Variants in LUC7L observed in about 807,000 individuals in gnomAD.
LUC7L encodes LUC7 like.
A neutral mutation model predicts 51.1 loss-of-function variants in LUC7L; 29 were observed. The observed-to-expected ratio is 0.57, with a 90% CI of 0.42 to 0.77. The LOEUF (loss-of-function observed/expected upper bound fraction) is 0.77. Ranked by LOEUF, LUC7L falls within the 30% of genes least tolerant of loss-of-function variation. The probability of loss-of-function intolerance (pLI) is 0.00; values close to 1 mark genes in which losing one functional copy is unlikely to be tolerated. For synonymous variants in LUC7L, 181 were observed against 180.7 expected (o/e 1.00, Z -0.01); for missense variants, 403 against 511.9 (o/e 0.79, Z 2.05).
intron 5 of LUC7L, 45 bp downstream of exon 5, chr16:205,959 A>T: frequency 1.3e-6 from 2 of 1,578,892 alleles, no homozygotes; most frequent in Non-Finnish European, 8.6e-7. Context: ...CAACGCTGCC[A>T]AATTACTAAG....
intron 4 of LUC7L, among the ~76,000 whole-genome samples, chr16:207,401 T>C (rs1185116760): frequency 1.3e-5 from 2 of 152,074 alleles, no homozygotes; most frequent in African/African-American, 2.4e-5. Context: ...TATGTATTTT[T>C]TGTAGAGATG....
intron 5 of LUC7L, among the ~76,000 whole-genome samples, chr16:203,003 T>G (rs2049376470): frequency 1.3e-5 from 2 of 151,964 alleles, no homozygotes. Flanking sequence ...ATACAAAAAT[T>G]AGCTGGGCAT....
At chr16:206,178 A>G (rs773939762) in intron 4 of LUC7L, 31 bp from the exon 5 acceptor site, 1 of 1,598,350 alleles carries the variant, frequency 6.3e-7, no homozygotes, top group Admixed American at 1.8e-5. Flanking sequence ...GTAAGCAGAC[A>G]TCTGAAAATG....
At chr16:208,263 G>A in intron 3 of LUC7L, 75 bp from the exon 4 acceptor site, 1 of 1,057,842 alleles carries the variant, frequency 9.5e-7, no homozygotes, top group Non-Finnish European at 1.4e-6. Context: ...TTGCTTGATA[G>A]GAAATACACT....
intron 6 of LUC7L, 113 bp from the exon 7 acceptor site, chr16:193,128 G>A: frequency 1.2e-6 from 1 of 856,302 alleles, no homozygotes; most frequent in Non-Finnish European, 1.9e-6. Context: ...AAAAATTGAA[G>A]GGACACTTTT....
At chr16:219,971 C>T (rs961990536) in intron 3 of LUC7L, among the ~76,000 whole-genome samples, 3 of 152,096 alleles carry the variant, frequency 2.0e-5, no homozygotes, top group African/African-American at 4.8e-5. Context: ...TTTACAACCA[C>T]TAAACTGCAA....
intron 4 of LUC7L, among the ~76,000 whole-genome samples, chr16:207,730 C>A (rs1039264832): frequency 6.6e-6 from 1 of 152,154 alleles, no homozygotes; most frequent in Non-Finnish European, 1.5e-5. Context: ...ATTGACAACG[C>A]CGGGCGCGGT....
At chr16:227,966 G>C in intron 1 of LUC7L, 2 of 1,032,098 alleles carry the variant, frequency 1.9e-6, no homozygotes, top group South Asian at 3.4e-5. Flanking sequence ...TACACACTGT[G>C]AGCTCCAACA....
chr16:220,568 C>CT (rs2049936450), intron 3 of LUC7L, 81 bp downstream of exon 3: 1 of 1,055,894 alleles, frequency 9.5e-7, no homozygotes, highest in Admixed American at 1.9e-5. Flanking sequence ...TGCTTCATAA[C>CT]TTACGTATGT....
chr16:192,891 C>A (rs1321708354), intron 7 of LUC7L, 36 bp downstream of exon 7: 1 of 1,562,554 alleles, frequency 6.4e-7, no homozygotes, highest in Non-Finnish European at 8.8e-7. Context: ...TGCCCGAGGC[C>A]AATGCAGGCC....
intron 3 of LUC7L, among the ~76,000 whole-genome samples, chr16:219,643 C>T (rs897417407): frequency 2.0e-5 from 3 of 151,808 alleles, no homozygotes; most frequent in Non-Finnish European, 4.4e-5. Flanking sequence ...GAGGCTGAGG[C>T]GGGCGGATCA....
At chr16:218,026 C>A (rs1195651703) in intron 3 of LUC7L, among the ~76,000 whole-genome samples, 71 of 130,312 alleles carry the variant, frequency 5.4e-4, no homozygotes, top group African/African-American at 1.8e-3. Context: ...ACTATATCTC[C>A]AAAAAAAAAA....
chr16:228,874 G>C, intron 1 of LUC7L: 2 of 1,310,712 alleles, frequency 1.5e-6, no homozygotes, highest in Non-Finnish European at 2.0e-6. Context: ...CGGCTCCCTC[G>C]GGTGTAGCTT....
chr16:208,242 T>TTAGAACCCATTTGC, intron 3 of LUC7L, 54 bp from the exon 4 acceptor site: 1 of 1,303,370 alleles, frequency 7.7e-7, no homozygotes, highest in Non-Finnish European at 1.1e-6. Flanking sequence ...GCGTAAAGTC[T>TTAGAACCCATTTGC]TAGAACCCAT....
chr16:226,438 C>T (rs567067665), intron 2 of LUC7L, among the ~76,000 whole-genome samples: 3 of 152,062 alleles, frequency 2.0e-5, no homozygotes, highest in South Asian at 2.1e-4. Flanking sequence ...ATTCTTACTT[C>T]GAATAAATGC....
Position 199,046 on chromosome 16 carries a change from A to C in LUC7L, c.687+16T>G, listed in dbSNP as rs1372519605. On this transcript the variant is annotated intron_variant, in intron 6 of 9. Coordinates refer to ENST00000293872, the MANE Select transcript of LUC7L (RefSeq NM_201412.3). ...CCCAAGACTCCTCAGCTTTCTCCAG[A>C]AACAGATGAACATACCCTCAACTGA... 1.3e-6 allele frequency: 2 copies of C among 1,574,888 alleles called. No individual in the cohort carries two copies. Among genetic ancestry groups the C allele is most frequent in the East Asian group, 4.5e-5 (2 of 43,968 alleles).
chr16:194,671 G>A (rs1479560153), intron 6 of LUC7L, among the ~76,000 whole-genome samples: 1 of 152,178 alleles, frequency 6.6e-6, no homozygotes, highest in Non-Finnish European at 1.5e-5. Flanking sequence ...AGCAGGCCAG[G>A]GGAGGTGGAC....
chr16:190,196 AC>A, intron 8 of LUC7L, 61 bp from the exon 9 acceptor site: 1 of 1,398,030 alleles, frequency 7.2e-7, no homozygotes. Flanking sequence ...TGAGGGCCCC[AC>A]CCCTCAGCAG....
At chr16:206,219 C>T in intron 4 of LUC7L, 72 bp from the exon 5 acceptor site, 1 of 1,438,694 alleles carries the variant, frequency 7.0e-7, no homozygotes, top group East Asian at 2.3e-5. Context: ...AAGGGTTTCT[C>T]CTGCTCCATT....
Sources: allele counts gnomAD v4.1 joint callset (sites outside exome capture counted in the v4.1 genomes callset), GRCh38; gene constraint gnomAD v4.1.1; transcripts MANE v1.5; gene names NCBI Gene and HGNC (gene_info 2026-07-23, HGNC 2026-07-21).